Variants in CDH18 observed in about 807,000 individuals in gnomAD.
CDH18 encodes the protein cadherin-18.
In CDH18, 31 loss-of-function variants were observed where a neutral mutation model predicts 67.9. The observed-to-expected ratio is 0.46, with a 90% confidence interval of 0.34 to 0.62. CDH18 has a LOEUF of 0.62. Ranked by LOEUF, CDH18 falls within the 20% of genes least tolerant of loss-of-function variation. The pLI, the probability that CDH18 is intolerant of heterozygous loss-of-function variation, is 0.01. For missense variants in CDH18, 890 were observed against 975.5 expected (o/e 0.91, Z 1.17); for synonymous variants, 362 against 347.2 (o/e 1.04, Z -0.48).
chr5:20,520,899 C>T (rs913722934), intron 1 of CDH18, among the ~76,000 whole-genome samples: 1 of 152,166 alleles, frequency 6.6e-6, no homozygotes, highest in African/African-American at 2.4e-5. Context: ...ACTAAACAGG[C>T]ATGGTCATGA....
chr5:19,985,439 A>G (rs1799460306), intron 1 of CDH18, among the ~76,000 whole-genome samples: 1 of 152,008 alleles, frequency 6.6e-6, no homozygotes, highest in Non-Finnish European at 1.5e-5. Context: ...AGTGGTTCTC[A>G]ATGTAATTTT....
chr5:20,259,182 T>A (rs1227478266), intron 1 of CDH18, among the ~76,000 whole-genome samples: 1 of 152,124 alleles, frequency 6.6e-6, no homozygotes, highest in East Asian at 1.9e-4. Flanking sequence ...GAAAACTGGA[T>A]TTTGAAGATG....
chr5:20,241,894 A>ATGTGTATC (rs754188567), intron 2 of CDH18, among the ~76,000 whole-genome samples: 1 of 141,320 alleles, frequency 7.1e-6, no homozygotes, highest in Non-Finnish European at 1.5e-5. Flanking sequence ...ATATATATGT[A>ATGTGTATC]TATATATATA....
At chr5:20,218,941 A>G (rs1051575638) in intron 2 of CDH18, among the ~76,000 whole-genome samples, 1 of 152,074 alleles carries the variant, frequency 6.6e-6, no homozygotes, top group Non-Finnish European at 1.5e-5. Context: ...CTTCAAATAA[A>G]CAAGGTGCTG....
intron 11 of CDH18, among the ~76,000 whole-genome samples, chr5:19,491,532 G>C (rs1180719512): frequency 6.6e-6 from 1 of 152,110 alleles, no homozygotes; most frequent in Non-Finnish European, 1.5e-5. Flanking sequence ...TTTCCAATGT[G>C]TATCAAACTA....
intron 1 of CDH18, among the ~76,000 whole-genome samples, chr5:20,337,497 G>A (rs1025335919): frequency 6.6e-6 from 1 of 152,022 alleles, no homozygotes; most frequent in Non-Finnish European, 1.5e-5. Flanking sequence ...AAATCTCTAG[G>A]GCAGGGGCAA....
At chr5:19,802,609 G>A (rs1202197655) in intron 3 of CDH18, among the ~76,000 whole-genome samples, 4 of 152,142 alleles carry the variant, frequency 2.6e-5, no homozygotes, top group African/African-American at 7.2e-5. Flanking sequence ...GTGTGTGTGC[G>A]TGTATGTGTG....
At chr5:20,288,745 G>GCA (rs1293803665) in intron 1 of CDH18, among the ~76,000 whole-genome samples, 8 of 151,668 alleles carry the variant, frequency 5.3e-5, no homozygotes, top group South Asian at 4.2e-4. Flanking sequence ...ACACTTACAT[G>GCA]CACACACACA....
chr5:19,733,520 C>A (rs1028371977), intron 4 of CDH18, among the ~76,000 whole-genome samples: 3 of 152,074 alleles, frequency 2.0e-5, no homozygotes, highest in African/African-American at 7.2e-5. Flanking sequence ...GCCTTCACTA[C>A]CCTTCAACTA....
chr5:19,578,861 C>T (rs1168942824), intron 7 of CDH18, among the ~76,000 whole-genome samples: 2 of 151,684 alleles, frequency 1.3e-5, no homozygotes, highest in Admixed American at 6.6e-5. Context: ...GCAGTTAATA[C>T]ATTTTCAGTT....
chr5:19,900,333 A>G (rs576435233), intron 2 of CDH18, among the ~76,000 whole-genome samples: 9 of 152,302 alleles, frequency 5.9e-5, no homozygotes, highest in African/African-American at 1.9e-4. Flanking sequence ...GCATAGTAGT[A>G]TGACTACTGT....
intron 8 of CDH18, among the ~76,000 whole-genome samples, chr5:19,549,918 G>A (rs988294279): frequency 2.0e-5 from 3 of 152,092 alleles, no homozygotes. Flanking sequence ...AAAGCTTCAT[G>A]AAGGACATGG....
intron 2 of CDH18, among the ~76,000 whole-genome samples, chr5:19,910,034 AAGT>A (rs1425836846): frequency 6.6e-6 from 1 of 152,144 alleles, no homozygotes; most frequent in Non-Finnish European, 1.5e-5. Flanking sequence ...TGGGTCTCCC[AAGT>A]AGATTTTTCT....
chr5:20,330,656 C>A (rs533920881), intron 1 of CDH18, among the ~76,000 whole-genome samples: 1 of 152,274 alleles, frequency 6.6e-6, no homozygotes, highest in South Asian at 2.1e-4. Flanking sequence ...AAACACACTG[C>A]GCATGTGGCC....
At chr5:19,921,307 G>A (rs549354350) in intron 2 of CDH18, among the ~76,000 whole-genome samples, 119 of 152,164 alleles carry the variant, frequency 7.8e-4, no homozygotes, top group African/African-American at 2.7e-3. Flanking sequence ...CAAGGCGGGC[G>A]GATCACGAGG....
intron 1 of CDH18, among the ~76,000 whole-genome samples, chr5:20,296,419 G>A (rs1436746423): frequency 8.0e-5 from 12 of 150,186 alleles, no homozygotes; most frequent in Admixed American, 2.7e-4. Context: ...CCGCCACCAC[G>A]CCTGGATAAT....
At chr5:20,539,750 ACAC>A (rs1756946269) in intron 1 of CDH18, among the ~76,000 whole-genome samples, 2 of 129,642 alleles carry the variant, frequency 1.5e-5, no homozygotes, top group Non-Finnish European at 3.4e-5. Context: ...ACACACACAC[ACAC>A]ACAAACACAC....
At chr5:19,996,462 GA>G (rs1736028890) in intron 2 of CDH18, among the ~76,000 whole-genome samples, 1 of 151,948 alleles carries the variant, frequency 6.6e-6, no homozygotes, top group South Asian at 2.1e-4. Flanking sequence ...TATGGCATTT[GA>G]AAAGATTACT....
chr5:20,472,101 GT>G (rs1393858910), intron 1 of CDH18, among the ~76,000 whole-genome samples: 2 of 150,686 alleles, frequency 1.3e-5, no homozygotes, highest in Non-Finnish European at 2.9e-5. Context: ...TTATGGAATA[GT>G]TTTTTCATGT....
Sources: allele counts gnomAD v4.1 joint callset (sites outside exome capture counted in the v4.1 genomes callset), GRCh38; gene constraint gnomAD v4.1.1; transcripts MANE v1.5; gene names NCBI Gene and HGNC (gene_info 2026-07-23, HGNC 2026-07-21).